ZNF446: variants seen among roughly 807,000 people sequenced by gnomAD.
ZNF446 encodes zinc finger protein with KRAB and SCAN domains 20.
ZNF446 carries 42 observed loss-of-function variants against 34.0 expected under a neutral mutation model. That is an observed-to-expected ratio of 1.23 (90% CI 0.96 to 1.60). The LOEUF is 1.60. Ranked by LOEUF, ZNF446 falls within the 40% of genes most tolerant of loss-of-function variation. ZNF446 has a pLI of 0.00. For missense variants in ZNF446, 650 were observed against 600.2 expected, an observed-to-expected ratio of 1.08 and a Z score of -0.87; for synonymous variants, 315 against 251.0, an observed-to-expected ratio of 1.25 and a Z score of -2.41.
chr19:58,485,545 G>C (rs1472114833), downstream of ZNF446, among the ~76,000 whole-genome samples: 3 of 152,060 alleles, frequency 2.0e-5, no homozygotes, highest in South Asian at 6.2e-4. Flanking sequence ...GCACAGGAGT[G>C]GACAACTAGG....
In ZNF446 at chr19:58,477,704, G is replaced by A. The variant is rs1413223042; in HGVS notation, c.410G>A (p.Ser137Asn). 6.2e-7 allele frequency: 1 copy of A among 1,613,792 alleles called. No homozygotes were observed. Among genetic ancestry groups the A allele is most frequent in the Non-Finnish European group, 8.5e-7 (1 of 1,180,028 alleles). Reference sequence around the variant, plus strand: ...CAGAAGACAGAGGAACCACTTGGGAGCCCCCACCCCTCAGGGACAGTGGAG... The same window carrying A: ...CAGAAGACAGAGGAACCACTTGGGAACCCCCACCCCTCAGGGACAGTGGAG... ...AAQKTEEPLG[S>N]PHPSGTVESP... The change falls in exon 3 of 7, where the codon AGC becomes AAC. Residue 137 changes from serine (S) to asparagine (N), a missense_variant. Transcript: ENST00000594369.
chr19:58,486,494 G>A, the ZNF446 span, among the ~76,000 whole-genome samples: 18 of 151,994 alleles, frequency 1.2e-4, no homozygotes, highest in African/African-American at 4.1e-4. Flanking sequence ...TGCAACCTCC[G>A]CCTCCTGGGT....
downstream of ZNF446, among the ~76,000 whole-genome samples, chr19:58,486,159 T>C (rs1460780453): frequency 2.0e-5 from 3 of 147,316 alleles, no homozygotes; most frequent in African/African-American, 7.6e-5. Context: ...AGTGGTGTGA[T>C]CTCGGCTCAC....
intron 4 of ZNF446, 22 bp downstream of exon 4, chr19:58,478,203 G>A: frequency 6.2e-7 from 1 of 1,609,498 alleles, no homozygotes; most frequent in Non-Finnish European, 8.5e-7. Context: ...CAAGTGGGAA[G>A]TATAGGCCCC....
rs189979437 is a variant in ZNF446, at chr19:58,480,237, G to A, written c.864G>A (p.Pro288=). ...CCCAGCCGCCCCAGGGCCCAGGGCC[G>A]GCAGCCTGGGAGGGCTTGTCTGGGG... The part of the protein sequence containing the change: ...PEAQPPQGPG[P]AAWEGLSGAA... The change falls in exon 7 of 7, where the codon CCG becomes CCA. Residue 288 remains proline (P), a synonymous_variant. Coordinates refer to ENST00000594369, the MANE Select transcript of ZNF446 (RefSeq NM_017908.4). This position sits in a 1 kb window ranked among gnomAD's most constrained non-coding sequence, Gnocchi z 7.2. The A allele has an allele frequency of 1.1e-5, 17 of 1,588,508 alleles. No homozygotes were observed. The South Asian group carries it at 1.3e-4, about 13-fold the overall frequency.
Position 58,477,244 on chromosome 19 carries a change from G to A in ZNF446, c.26G>A (p.Cys9Tyr), listed in dbSNP as rs756900544. The part of the protein sequence containing the change: MPSPLGPP[C>Y]LPVMDPETTL... ...ATGCCATCCCCTCTGGGTCCCCCAT[G>A]CCTGCCCGTCATGGACCCAGAGACC... Residue 9 changes from cysteine (C) to tyrosine (Y), a missense_variant, in exon 2 of 7, where the codon TGC becomes TAC. Cys to Tyr is a radical substitution (Grantham distance 194). Transcript: ENST00000594369. 4 of 1,589,402 alleles carry A rather than the reference G, an allele frequency of 2.5e-6. No homozygotes were observed. The highest frequency in any genetic ancestry group is 3.4e-6 in the Non-Finnish European group (4 of 1,165,396).
rs1185124638 is a variant in ZNF446 at position 58,480,311 on chromosome 19, C to G, written c.938C>G (p.Thr313Ser). The change falls in exon 7 of 7, where the codon ACT becomes AGT. Residue 313 changes from threonine (T) to serine (S), a missense_variant. Coordinates refer to ENST00000594369, the MANE Select transcript of ZNF446 (RefSeq NM_017908.4). This position sits in a 1 kb window ranked among gnomAD's most constrained non-coding sequence, Gnocchi z 7.2. Reference sequence around the variant, plus strand: ...CGCCCAGGGACACCGCCAGTGCCCACTCAGCCCACACCTGCAGAGACGAGA... The same window carrying G: ...CGCCCAGGGACACCGCCAGTGCCCAGTCAGCCCACACCTGCAGAGACGAGA... ...TVRPGTPPVP[T>S]QPTPAETRLE... 5.1e-6 allele frequency: 8 copies of G among 1,582,362 alleles called. No homozygotes were observed. The highest frequency in any genetic ancestry group is 6.9e-6 in the Non-Finnish European group (8 of 1,165,282).
chr19:58,480,910 C>G lies in ZNF446; in HGVS notation c.*184C>G, dbSNP rs976637181. 4 of 713,042 alleles carry G rather than the reference C, an allele frequency of 5.6e-6. No homozygotes were observed. The highest frequency in any genetic ancestry group is 9.0e-6 in the Non-Finnish European group (4 of 442,734). 44.2% of individuals were successfully genotyped at this position (713,042 alleles called of 1,614,324 possible). On this transcript the variant is annotated 3_prime_UTR_variant, in exon 7 of 7. Coordinates refer to ENST00000594369, the MANE Select transcript of ZNF446 (RefSeq NM_017908.4). This position sits in a 1 kb window ranked among gnomAD's most constrained non-coding sequence, Gnocchi z 7.2. ...ACCTGGGTGCAAGGAAAAGGAGCTG[C>G]TCTCTCTCTTCTTGCCCCTGCCTCC...
In ZNF446 at chr19:58,480,265, G is replaced by A. The variant is rs767410440; in HGVS notation, c.892G>A (p.Ala298Thr). The stretch of plus-strand genomic sequence containing the variant: ...AGCCTGGGAGGGCTTGTCTGGGGCT[G>A]CCACTCCTGCCCCCACTGTGCGCCC... ...PAAWEGLSGA[A>T]TPAPTVRPGT... The change falls in exon 7 of 7, where the codon GCC becomes ACC. Residue 298 changes from alanine to threonine, a missense_variant. By Grantham distance (58) the Ala-to-Thr change is moderately conservative (BLOSUM62 0). Transcript: ENST00000594369. This position sits in a 1 kb window ranked among gnomAD's most constrained non-coding sequence, Gnocchi z 7.2. 35 of 1,577,894 alleles carry A rather than the reference G, an allele frequency of 2.2e-5. No homozygotes were observed. The highest frequency in any genetic ancestry group is 1.7e-5 in the Non-Finnish European group (20 of 1,165,272).
In ZNF446 at chr19:58,480,879, C is replaced by A; in HGVS notation, c.*153C>A. 2.3e-6 allele frequency: 2 copies of A among 883,804 alleles called. No individual in the cohort carries two copies. Among genetic ancestry groups the A allele is most frequent in the Non-Finnish European group, 3.4e-6 (2 of 594,190 alleles). The allele number at this position is 883,804 out of a possible 1,614,324, so 54.7% of individuals were successfully genotyped here. Reference sequence around the variant, plus strand: ...TCCCTGCCCCTGGTCTGGTCTCCCCCAAAAGACCTGGGTGCAAGGAAAAGG... The same window carrying A: ...TCCCTGCCCCTGGTCTGGTCTCCCCAAAAAGACCTGGGTGCAAGGAAAAGG... On this transcript the variant is annotated 3_prime_UTR_variant, in exon 7 of 7. Coordinates refer to ENST00000594369, the MANE Select transcript of ZNF446 (RefSeq NM_017908.4). This position sits in a 1 kb window ranked among gnomAD's most constrained non-coding sequence, Gnocchi z 7.2.
chr19:58,479,751 C>T (rs368054123), intron 5 of ZNF446, 24 bp downstream of exon 5: 30 of 1,602,810 alleles, frequency 1.9e-5, no homozygotes, highest in East Asian at 2.2e-5. Context: ...AGCCCCACCC[C>T]GCCCCTCTCC....
chr19:58,478,082 T>C lies in ZNF446; in HGVS notation c.533-5T>C. The stretch of plus-strand genomic sequence containing the variant: ...CACCACCCTTCCATCTGCCCCACTT[T>C]TCAGCACCCTCCAGCCCTCCACTTG... On this transcript the variant is annotated splice_region_variant and splice_polypyrimidine_tract_variant and intron_variant, in intron 3 of 6. Transcript: ENST00000594369. 6.2e-7 allele frequency: 1 copy of C among 1,610,672 alleles called. No individual in the cohort carries two copies. The highest frequency in any genetic ancestry group is 1.7e-4 in the Middle Eastern group (1 of 6,026).
chr19:58,478,898 C>G (rs2053113196), intron 4 of ZNF446, among the ~76,000 whole-genome samples: 1 of 152,152 alleles, frequency 6.6e-6, no homozygotes, highest in Admixed American at 6.5e-5. Context: ...GATGGAGACA[C>G]TCTCCCTGGG....
In ZNF446 at chr19:58,478,191, C is replaced by G; in HGVS notation, c.627+10C>G. ...CCCACCCAGGATTCAGGTGAGCAGC[C>G]CCAAGTGGGAAGTATAGGCCCCAGG... On this transcript the variant is annotated intron_variant, in intron 4 of 6. Transcript: ENST00000594369. The G allele has an allele frequency of 6.2e-7, 1 of 1,612,812 alleles. No homozygotes were observed. Among genetic ancestry groups the G allele is most frequent in the Non-Finnish European group, 8.5e-7 (1 of 1,179,196 alleles).
At chr19:58,488,646 T>C in the ZNF446 span, among the ~76,000 whole-genome samples, 2 of 151,136 alleles carry the variant, frequency 1.3e-5, no homozygotes, top group Non-Finnish European at 1.5e-5. Flanking sequence ...GGTCAGGAGA[T>C]TGAGACCATC....
chr19:58,484,569 C>T (rs955197997), downstream of ZNF446, among the ~76,000 whole-genome samples: 2 of 151,874 alleles, frequency 1.3e-5, no homozygotes, highest in South Asian at 2.1e-4. Flanking sequence ...TGGTGGCTCA[C>T]ACCTGTAAGC....
At chr19:58,481,332 C>T (rs1474630109), downstream of ZNF446, 3 of 152,916 alleles carry the variant, frequency 2.0e-5, no homozygotes, top group Non-Finnish European at 4.4e-5. Flanking sequence ...CAGTTGAGCC[C>T]AGAACGGCCA....
At chr19:58,479,565 G>A in intron 4 of ZNF446, 78 bp from the exon 5 acceptor site, 1 of 1,498,576 alleles carries the variant, frequency 6.7e-7, no homozygotes, top group Non-Finnish European at 9.1e-7. Context: ...GACTCTTCCG[G>A]GTAATAGGTA....
At chr19:58,488,116 C>T in the ZNF446 span, among the ~76,000 whole-genome samples, 6 of 98,874 alleles carry the variant, frequency 6.1e-5, no homozygotes, top group African/African-American at 1.4e-4. Context: ...CCTGCCTTGC[C>T]CGTGACCACA....
Sources: gnomAD v4.1 joint callset for allele counts (sites outside exome capture counted in the v4.1 genomes callset) on GRCh38, gnomAD v4.1.1 for gene constraint, Gnocchi (gnomAD v3.1) non-coding constraint, MANE v1.5 for transcripts, NCBI Gene and HGNC (gene_info 2026-07-23, HGNC 2026-07-21) for gene names.